RHOT1: variants seen among roughly 807,000 people sequenced by gnomAD.
RHOT1 encodes ras homolog family member T1.
A neutral mutation model predicts 95.3 loss-of-function variants in RHOT1; 27 were observed. The ratio of observed to expected loss-of-function variants is 0.28; its 90% confidence interval spans 0.21 to 0.39. RHOT1 has a LOEUF of 0.39. Among genes scored for constraint, RHOT1 ranks in the 10% least tolerant of loss-of-function variants. The probability of loss-of-function intolerance (pLI) is 1.00; values close to 1 mark genes in which losing one functional copy is unlikely to be tolerated. For synonymous variants in RHOT1, 227 were observed against 263.5 expected (o/e 0.86, Z 1.34); for missense variants, 578 against 786.7 (o/e 0.73, Z 3.17).
At chr17:32,203,269 C>CTTTTTTTTTTTTTT (rs940216011) in intron 15 of RHOT1, among the ~76,000 whole-genome samples, 6 of 72,326 alleles carry the variant, frequency 8.3e-5, no homozygotes, top group Non-Finnish European at 1.3e-4. Flanking sequence ...TCTTCTTCTT[C>CTTTTTTTTTTTTTT]TTTTTTTTTT....
chr17:32,176,126 T>TA, intron 5 of RHOT1, 35 bp from the exon 6 acceptor site: 1 of 1,601,662 alleles, frequency 6.2e-7, no homozygotes, highest in Non-Finnish European at 8.5e-7. Flanking sequence ...TAAAGATCCT[T>TA]ATCATGGCTA....
intron 19 of RHOT1, among the ~76,000 whole-genome samples, chr17:32,214,308 C>T (rs1012674492): frequency 5.3e-5 from 8 of 152,084 alleles, no homozygotes; most frequent in Non-Finnish European, 1.0e-4. Context: ...CAGCTCTGGC[C>T]GTTTGTTGTT....
intron 1 of RHOT1, among the ~76,000 whole-genome samples, chr17:32,167,429 C>G (rs1567669742): frequency 6.6e-6 from 1 of 152,006 alleles, no homozygotes; most frequent in Admixed American, 6.6e-5. Flanking sequence ...CGGGTTCACA[C>G]CATTCTCCTG....
chr17:32,216,615 C>T (rs765198742), intron 19 of RHOT1, among the ~76,000 whole-genome samples: 3 of 152,016 alleles, frequency 2.0e-5, no homozygotes, highest in Non-Finnish European at 2.9e-5. Context: ...GACTTTTAAG[C>T]CACTCATTAA....
chr17:32,178,337 A>C (rs1386613217), intron 6 of RHOT1, among the ~76,000 whole-genome samples: 1 of 151,774 alleles, frequency 6.6e-6, no homozygotes, highest in Non-Finnish European at 1.5e-5. Context: ...GATTCCAGGC[A>C]CGTGCCACCA....
intron 19 of RHOT1, chr17:32,220,967 T>C (rs1389681494): frequency 1.9e-6 from 1 of 537,756 alleles, no homozygotes; most frequent in Non-Finnish European, 2.4e-6. Context: ...AGAAAAACTA[T>C]GCAGTAAGAT....
intron 1 of RHOT1, chr17:32,143,071 T>C (rs1448273938): frequency 2.7e-5 from 17 of 636,278 alleles, no homozygotes; most frequent in Non-Finnish European, 3.0e-6. Context: ...TCGAACCCTG[T>C]CCTTCTGGGC....
intron 1 of RHOT1, among the ~76,000 whole-genome samples, chr17:32,163,252 T>C (rs2033728863): frequency 6.6e-6 from 1 of 151,944 alleles, no homozygotes; most frequent in Non-Finnish European, 1.5e-5. Context: ...GATAGGAAAT[T>C]TGGGACTGGG....
At chr17:32,172,876 G>A (rs2034689648) in intron 2 of RHOT1, 1 of 152,202 alleles carries the variant, frequency 6.6e-6, no homozygotes, top group African/African-American at 2.4e-5. Flanking sequence ...TAAGGCTTAT[G>A]TAGCCAGTCA....
At chr17:32,142,862 C>G (rs934910484) in intron 1 of RHOT1, 133 bp downstream of exon 1, 1 of 846,550 alleles carries the variant, frequency 1.2e-6, no homozygotes, top group African/African-American at 1.7e-5. Context: ...CTCCGCTCGC[C>G]TTTCTCCGCG....
intron 1 of RHOT1, chr17:32,150,987 A>T: frequency 6.5e-7 from 1 of 1,538,756 alleles, no homozygotes. Flanking sequence ...TGCTGCTTCA[A>T]TTTGAATCGC....
At chr17:32,175,723 A>G (rs2034948486) in intron 4 of RHOT1, among the ~76,000 whole-genome samples, 3 of 152,046 alleles carry the variant, frequency 2.0e-5, no homozygotes, top group Non-Finnish European at 2.9e-5. Context: ...TCATTCTCTT[A>G]ATTACCAAAA....
In RHOT1 at chr17:32,208,217, C is replaced by T. The variant is rs778148350; in HGVS notation, c.1647C>T (p.His549=). 1 of 1,614,100 alleles carries T rather than the reference C, an allele frequency of 6.2e-7. No homozygotes were observed. The highest frequency in any genetic ancestry group is 8.5e-7 in the Non-Finnish European group (1 of 1,179,948). ...CACCTACTGATTTCTGCAGGAAACA[C>T]AAAATGCCTCCACCACAAGCCTTCA... The part of the protein sequence containing the change: ...SISPTDFCRK[H]KMPPPQAFTC... The change falls in exon 18 of 20, where the codon CAC becomes CAT. Residue 549 remains histidine (H), a synonymous_variant. Coordinates refer to ENST00000545287, the MANE Select transcript of RHOT1 (RefSeq NM_001033566.3).
chr17:32,187,185 G>A (rs1323243190), intron 8 of RHOT1, among the ~76,000 whole-genome samples: 2 of 152,080 alleles, frequency 1.3e-5, no homozygotes, highest in African/African-American at 4.8e-5. Context: ...TACTCGGGAG[G>A]CTGAGGCACG....
intron 19 of RHOT1, among the ~76,000 whole-genome samples, chr17:32,217,924 C>G (rs985113743): frequency 3.3e-5 from 5 of 150,818 alleles, no homozygotes; most frequent in African/African-American, 1.2e-4. Context: ...GTGCAGTGGC[C>G]CTATCTCAGC....
At chr17:32,145,831 A>T (rs529858887) in intron 1 of RHOT1, among the ~76,000 whole-genome samples, 1 of 152,140 alleles carries the variant, frequency 6.6e-6, no homozygotes, top group Non-Finnish European at 1.5e-5. Flanking sequence ...CCTGGGCAAC[A>T]TGACGAACCC....
Position 32,172,719 on chromosome 17 carries a change from T to C in RHOT1, c.97-1112T>C, listed in dbSNP as rs1164525489. On this transcript the variant is annotated intron_variant, in intron 2 of 19. Coordinates refer to ENST00000545287, the MANE Select transcript of RHOT1 (RefSeq NM_001033566.3). ...GGTGGCGCATGCCTGTAATCCCAGC[T>C]ACCTGGGAGGCTGAGGCAGGAGAAT... 4.6e-5 allele frequency among the ~76,000 whole-genome samples: 7 copies of C among 152,304 alleles called. No individual in the cohort carries two copies. In the East Asian group the frequency reaches 1.4e-3, roughly 29 times the overall value.
intron 1 of RHOT1, among the ~76,000 whole-genome samples, chr17:32,163,142 C>T (rs371168993): frequency 5.3e-5 from 8 of 152,106 alleles, no homozygotes; most frequent in African/African-American, 1.7e-4. Flanking sequence ...TCAAAGAAAG[C>T]GTTTGATCAG....
At chr17:32,197,395 A>G (rs1014109835) in intron 11 of RHOT1, among the ~76,000 whole-genome samples, 9 of 142,402 alleles carry the variant, frequency 6.3e-5, no homozygotes, top group Non-Finnish European at 1.2e-4. Context: ...CACCCAGCTA[A>G]TTTTCTTTTT....
Sources: allele counts gnomAD v4.1 joint callset (sites outside exome capture counted in the v4.1 genomes callset), GRCh38; gene constraint gnomAD v4.1.1; transcripts MANE v1.5; gene names NCBI Gene and HGNC (gene_info 2026-07-23, HGNC 2026-07-21).